ACTL8: variants seen among roughly 807,000 people sequenced by gnomAD.
The protein encoded by ACTL8 is actin-like protein 8.
ACTL8 carries 3 observed loss-of-function variants against 9.3 expected under a neutral mutation model. The observed-to-expected ratio is 0.32, with a 90% CI of 0.15 to 0.83. ACTL8 has a LOEUF of 0.83. ACTL8 is among the 40% of genes least tolerant of loss of function. The pLI is 0.57. For synonymous variants in ACTL8, 224 were observed against 205.9 expected, an observed-to-expected ratio of 1.09 and a Z score of -0.75; for missense variants, 381 against 492.2, an observed-to-expected ratio of 0.77 and a Z score of 2.14.
chr1:17,785,128 G>A (rs2066186697), intron 1 of ACTL8, among the ~76,000 whole-genome samples: 1 of 152,170 alleles, frequency 6.6e-6, no homozygotes, highest in Non-Finnish European at 1.5e-5. Flanking sequence ...ACAACATGTG[G>A]GAATTCAAGA....
intron 1 of ACTL8, among the ~76,000 whole-genome samples, chr1:17,761,816 C>T (rs1178554707): frequency 6.6e-6 from 1 of 152,176 alleles, no homozygotes; most frequent in African/African-American, 2.4e-5. Context: ...GGTGGTCCGC[C>T]CTCCTCGGCC....
intron 1 of ACTL8, among the ~76,000 whole-genome samples, chr1:17,813,261 T>C (rs1372531762): frequency 6.6e-6 from 1 of 152,230 alleles, no homozygotes; most frequent in African/African-American, 2.4e-5. Flanking sequence ...CTATTACCTA[T>C]GTGAGTTGTA....
chr1:17,819,329 C>T (rs527699348), intron 1 of ACTL8, among the ~76,000 whole-genome samples: 45 of 152,326 alleles, frequency 3.0e-4, no homozygotes, highest in South Asian at 6.2e-4. Context: ...TGCCAGGAGG[C>T]GAGGCAGGAG....
At chr1:17,762,345 C>T (rs1391658051) in intron 1 of ACTL8, among the ~76,000 whole-genome samples, 1 of 152,062 alleles carries the variant, frequency 6.6e-6, no homozygotes, top group Non-Finnish European at 1.5e-5. Context: ...GGAAGGATGG[C>T]TACTTTCTGT....
chr1:17,800,113 C>G (rs2066309855), intron 1 of ACTL8, among the ~76,000 whole-genome samples: 1 of 152,184 alleles, frequency 6.6e-6, no homozygotes, highest in African/African-American at 2.4e-5. Context: ...ACCATATTCT[C>G]TAAAAACCCT....
At chr1:17,778,829 G>A (rs2102682083) in intron 1 of ACTL8, among the ~76,000 whole-genome samples, 1 of 152,224 alleles carries the variant, frequency 6.6e-6, no homozygotes, top group Non-Finnish European at 1.5e-5. Flanking sequence ...ATGAGTCCTG[G>A]AGGCTGCTCT....
At chr1:17,761,573 G>C (rs2066006070) in intron 1 of ACTL8, among the ~76,000 whole-genome samples, 3 of 151,782 alleles carry the variant, frequency 2.0e-5, no homozygotes, top group Admixed American at 2.0e-4. Context: ...GCCCAAACTT[G>C]TTCTGTTTTT....
chr1:17,811,193 T>G (rs1005088740), intron 1 of ACTL8, among the ~76,000 whole-genome samples: 2 of 152,246 alleles, frequency 1.3e-5, no homozygotes, highest in African/African-American at 4.8e-5. Flanking sequence ...CTCTAGTGAC[T>G]AATGACATTT....
intron 1 of ACTL8, among the ~76,000 whole-genome samples, chr1:17,789,327 A>C (rs1484740816): frequency 6.6e-6 from 1 of 152,176 alleles, no homozygotes; most frequent in Non-Finnish European, 1.5e-5. Flanking sequence ...AACTTCTCCC[A>C]TGCTCCCAGA....
chr1:17,801,226 A>G (rs1188095621), intron 1 of ACTL8, among the ~76,000 whole-genome samples: 2 of 152,230 alleles, frequency 1.3e-5, no homozygotes, highest in Admixed American at 6.5e-5. Context: ...CTCCTTGCAG[A>G]TGAGACAAGA....
At chr1:17,787,418 C>G (rs1417896316) in intron 1 of ACTL8, among the ~76,000 whole-genome samples, 2 of 152,106 alleles carry the variant, frequency 1.3e-5, no homozygotes, top group African/African-American at 2.4e-5. Context: ...TGTGTGCCAC[C>G]ACGCCCAGCT....
chr1:17,826,355 A>G lies in ACTL8; in HGVS notation c.937A>G (p.Arg313Gly), dbSNP rs745814523. 1 of 1,613,932 alleles carries G rather than the reference A, an allele frequency of 6.2e-7. No homozygotes were observed. Among genetic ancestry groups the G allele is most frequent in the Non-Finnish European group, 8.5e-7 (1 of 1,180,004 alleles). Residue 313 changes from arginine (R) to glycine (G), a missense_variant, in exon 3 of 3, where the codon AGG becomes GGG. Arg to Gly is a moderately radical substitution (Grantham distance 125). Coordinates refer to ENST00000375406, the MANE Select transcript of ACTL8 (RefSeq NM_030812.3). The surrounding 1 kb of genome is among the most constrained non-coding windows in gnomAD (Gnocchi z 4.5). Reference sequence around the variant, plus strand: ...TCCCGGGTTCACAAAGCGCCTGTTCAGGGAGCTGATGGGGGATCACGTCTC... The same window carrying G: ...TCCCGGGTTCACAAAGCGCCTGTTCGGGGAGCTGATGGGGGATCACGTCTC... ...LYPGFTKRLF[R>G]ELMGDHVSST...
In ACTL8 at chr1:17,767,842, AC is replaced by A. The variant is rs2066055962; in HGVS notation, c.-25+12339del. Among the ~76,000 whole-genome samples the A allele has an allele frequency of 6.6e-6, 1 of 151,828 alleles. No homozygotes were observed. The highest frequency in any genetic ancestry group is 2.4e-5 in the African/African-American group (1 of 41,312). On this transcript the variant is annotated intron_variant, in intron 1 of 2. Coordinates refer to ENST00000375406, the MANE Select transcript of ACTL8 (RefSeq NM_030812.3). This position sits in a 1 kb window ranked among gnomAD's most constrained non-coding sequence, Gnocchi z 4.7. ...TGACTGCTGACACGGGAGGAATGACACTGCGTTACTCAAGCAGGTGGCAGTG... is the reference window on the plus strand; with the variant it reads ...TGACTGCTGACACGGGAGGAATGACATGCGTTACTCAAGCAGGTGGCAGTG...
chr1:17,777,427 C>A (rs529305710), intron 1 of ACTL8, among the ~76,000 whole-genome samples: 13 of 152,240 alleles, frequency 8.5e-5, no homozygotes, highest in African/African-American at 3.1e-4. Flanking sequence ...GAAGCGTGTC[C>A]CCATTCTCTC....
chr1:17,799,527 C>A (rs571013104), intron 1 of ACTL8, among the ~76,000 whole-genome samples: 6 of 151,840 alleles, frequency 4.0e-5, no homozygotes, highest in Admixed American at 3.9e-4. Flanking sequence ...AGTATCATCT[C>A]CCATTTTGAT....
chr1:17,783,671 G>A (rs180864866), intron 1 of ACTL8, among the ~76,000 whole-genome samples: 1 of 152,230 alleles, frequency 6.6e-6, no homozygotes, highest in Admixed American at 6.5e-5. Flanking sequence ...CACGGTCGTC[G>A]GGCTGGAGAT....
intron 1 of ACTL8, among the ~76,000 whole-genome samples, chr1:17,817,851 C>T (rs2066438351): frequency 6.6e-6 from 1 of 152,118 alleles, no homozygotes; most frequent in African/African-American, 2.4e-5. Flanking sequence ...CAGGTGCGTG[C>T]CACCACTCCT....
At chr1:17,770,622 A>G (rs1450506746) in intron 1 of ACTL8, among the ~76,000 whole-genome samples, 1 of 152,124 alleles carries the variant, frequency 6.6e-6, no homozygotes, top group Non-Finnish European at 1.5e-5. Flanking sequence ...TTAAAAGAGG[A>G]TCTAGGGGTC....
intron 1 of ACTL8, among the ~76,000 whole-genome samples, chr1:17,815,055 C>T (rs1335432203): frequency 6.6e-6 from 1 of 152,130 alleles, no homozygotes; most frequent in Non-Finnish European, 1.5e-5. Flanking sequence ...TAAAACAAGA[C>T]AATACATACC....
Sources: allele counts gnomAD v4.1 joint callset (sites outside exome capture counted in the v4.1 genomes callset), GRCh38; gene constraint gnomAD v4.1.1; non-coding constraint Gnocchi (gnomAD v3.1); transcripts MANE v1.5; gene names NCBI Gene and HGNC (gene_info 2026-07-23, HGNC 2026-07-21).